The following ELOVL7 variants were observed in gnomAD, a reference collection of about 807,000 sequenced individuals.
The protein encoded by ELOVL7 is very long chain fatty acid elongase 7.
A neutral mutation model predicts 35.7 loss-of-function variants in ELOVL7; 27 were observed. The observed-to-expected ratio is 0.76, with a 90% CI of 0.56 to 1.04. ELOVL7 has a LOEUF of 1.04. Among genes scored for constraint, ELOVL7 ranks in the 50% least tolerant of loss-of-function variants. The pLI, the probability that ELOVL7 is intolerant of heterozygous loss-of-function variation, is 0.00. For synonymous variants in ELOVL7, 113 were observed against 114.6 expected, an observed-to-expected ratio of 0.99 and a Z score of 0.09; for missense variants, 327 against 340.8, an observed-to-expected ratio of 0.96 and a Z score of 0.32.
intron 6 of ELOVL7, among the ~76,000 whole-genome samples, chr5:60,764,761 G>C (rs1381751346): frequency 6.6e-6 from 1 of 152,022 alleles, no homozygotes; most frequent in African/African-American, 2.4e-5. Context: ...TTAGGCAAAC[G>C]AAGAGGACTT....
intron 3 of ELOVL7, among the ~76,000 whole-genome samples, chr5:60,779,721 T>G (rs1372800515): frequency 6.6e-6 from 1 of 152,222 alleles, no homozygotes; most frequent in Non-Finnish European, 1.5e-5. Context: ...CCCATTGTCT[T>G]GGTGACTAAC....
intron 3 of ELOVL7, 75 bp downstream of exon 3, chr5:60,787,259 G>T: frequency 7.8e-7 from 1 of 1,280,812 alleles, no homozygotes. Flanking sequence ...TTCTGTTCCA[G>T]TGAAATCCTA....
chr5:60,754,906 T>C, intron 8 of ELOVL7, 73 bp from the exon 9 acceptor site: 1 of 1,306,544 alleles, frequency 7.7e-7, no homozygotes, highest in South Asian at 1.3e-5. Context: ...CCTATGTTTA[T>C]GCACTCCCAA....
chr5:60,822,610 G>A (rs1306730570), intron 1 of ELOVL7, among the ~76,000 whole-genome samples: 4 of 152,200 alleles, frequency 2.6e-5, no homozygotes, highest in Admixed American at 2.6e-4. Flanking sequence ...GAAGGTCAAG[G>A]CTAAGGATAC....
chr5:60,762,678 A>G (rs1476878827), intron 7 of ELOVL7, among the ~76,000 whole-genome samples: 2 of 152,190 alleles, frequency 1.3e-5, no homozygotes, highest in African/African-American at 4.8e-5. Flanking sequence ...ATAAATTATA[A>G]GGATGTGAAA....
intron 3 of ELOVL7, among the ~76,000 whole-genome samples, chr5:60,773,018 A>G (rs1034243073): frequency 6.6e-6 from 1 of 152,192 alleles, no homozygotes; most frequent in Non-Finnish European, 1.5e-5. Flanking sequence ...CAACTGTGAT[A>G]TTCTGAGCAA....
At chr5:60,836,022 G>C (rs985865961) in intron 1 of ELOVL7, among the ~76,000 whole-genome samples, 1 of 151,940 alleles carries the variant, frequency 6.6e-6, no homozygotes, top group African/African-American at 2.4e-5. Flanking sequence ...AAGAGCATAG[G>C]CTCATTGGTC....
intron 1 of ELOVL7, among the ~76,000 whole-genome samples, chr5:60,806,254 A>G (rs1161166128): frequency 6.6e-6 from 1 of 152,214 alleles, no homozygotes; most frequent in Non-Finnish European, 1.5e-5. Context: ...GAGGTAATAA[A>G]TATCTGTTGC....
intron 3 of ELOVL7, among the ~76,000 whole-genome samples, chr5:60,774,281 A>G (rs369081148): frequency 1.3e-5 from 2 of 152,332 alleles, no homozygotes; most frequent in South Asian, 4.1e-4. Context: ...CCAGGAACAC[A>G]TCAAAAAGTT....
At chr5:60,794,812 C>T (rs887471683) in intron 2 of ELOVL7, among the ~76,000 whole-genome samples, 2 of 152,152 alleles carry the variant, frequency 1.3e-5, no homozygotes, top group South Asian at 4.1e-4. Flanking sequence ...GCCACAGATG[C>T]TGCTCAAGGG....
At chr5:60,806,315 T>C (rs540427386) in intron 1 of ELOVL7, among the ~76,000 whole-genome samples, 33 of 152,252 alleles carry the variant, frequency 2.2e-4, no homozygotes, top group African/African-American at 7.7e-4. Context: ...AGCAAACTAA[T>C]ACACCAAAGT....
chr5:60,764,089 A>G (rs374631534), intron 7 of ELOVL7, 138 bp downstream of exon 7: 1 of 670,716 alleles, frequency 1.5e-6, no homozygotes, highest in African/African-American at 1.8e-5. Flanking sequence ...TTCAAGTAAT[A>G]ATTAATGAAA....
At chr5:60,790,639 T>C (rs779733218) in intron 2 of ELOVL7, among the ~76,000 whole-genome samples, 12 of 152,122 alleles carry the variant, frequency 7.9e-5, no homozygotes, top group Non-Finnish European at 1.8e-4. Context: ...ACTCTTTATT[T>C]TCCTAAAAAA....
At chr5:60,791,709 G>A (rs1457478881) in intron 2 of ELOVL7, among the ~76,000 whole-genome samples, 5 of 152,072 alleles carry the variant, frequency 3.3e-5, no homozygotes, top group East Asian at 3.9e-4. Context: ...GTCTTAGTAT[G>A]AGTGTTTGAG....
At chr5:60,781,101 C>A (rs1743224237) in intron 3 of ELOVL7, among the ~76,000 whole-genome samples, 2 of 151,536 alleles carry the variant, frequency 1.3e-5, no homozygotes, top group Admixed American at 1.3e-4. Context: ...TCACAGCTAT[C>A]TGGGAGACTG....
intron 1 of ELOVL7, among the ~76,000 whole-genome samples, chr5:60,816,191 C>A (rs776826347): frequency 6.6e-6 from 1 of 152,056 alleles, no homozygotes; most frequent in African/African-American, 2.4e-5. Context: ...ACCAGCCTGG[C>A]CAACATGATG....
At chr5:60,775,701 C>T (rs1199196014) in intron 3 of ELOVL7, among the ~76,000 whole-genome samples, 2 of 152,108 alleles carry the variant, frequency 1.3e-5, no homozygotes, top group Non-Finnish European at 2.9e-5. Flanking sequence ...TGATATTCAA[C>T]AAAGTCAATG....
intron 1 of ELOVL7, among the ~76,000 whole-genome samples, chr5:60,824,527 CAGTT>C (rs1328179192): frequency 6.6e-6 from 1 of 152,170 alleles, no homozygotes; most frequent in Non-Finnish European, 1.5e-5. Context: ...GAAAAAGTAA[CAGTT>C]AGATTCAAAT....
At chr5:60,763,671 A>C (rs755725708) in intron 7 of ELOVL7, among the ~76,000 whole-genome samples, 43 of 152,192 alleles carry the variant, frequency 2.8e-4, no homozygotes, top group Non-Finnish European at 5.0e-4. Context: ...CTTTCCATTT[A>C]AACTATTTTG....
Sources: allele counts gnomAD v4.1 joint callset (sites outside exome capture counted in the v4.1 genomes callset), GRCh38; gene constraint gnomAD v4.1.1; transcripts MANE v1.5; gene names NCBI Gene and HGNC (gene_info 2026-07-23, HGNC 2026-07-21).